STARD13: variants seen among roughly 807,000 people sequenced by gnomAD.
STARD13 encodes stAR-related lipid transfer protein 13.
In STARD13, 62 loss-of-function variants were observed where a neutral mutation model predicts 106.4. The ratio of observed to expected loss-of-function variants is 0.58; its 90% CI spans 0.48 to 0.72. STARD13 has a LOEUF of 0.72. Among genes scored for constraint, STARD13 ranks in the 30% least tolerant of loss-of-function variants. STARD13 has a pLI of 0.00. For synonymous variants in STARD13, 565 were observed against 553.0 expected, an observed-to-expected ratio of 1.02 and a Z score of -0.31; for missense variants, 1,387 against 1,424.0, an observed-to-expected ratio of 0.97 and a Z score of 0.42.
chr13:33,495,169 T>A, the STARD13 span, among the ~76,000 whole-genome samples: 7 of 152,196 alleles, frequency 4.6e-5, no homozygotes, highest in East Asian at 1.3e-3. Flanking sequence ...CACATGAGAA[T>A]AATATCAGAA....
intron 1 of STARD13, among the ~76,000 whole-genome samples, chr13:33,214,251 T>C (rs1450280716): frequency 6.6e-6 from 1 of 152,228 alleles, no homozygotes; most frequent in Non-Finnish European, 1.5e-5. Context: ...TTTGGTTTTA[T>C]ATCTGACTGC....
chr13:33,168,390 C>T (rs1883573829), intron 1 of STARD13, among the ~76,000 whole-genome samples: 2 of 152,084 alleles, frequency 1.3e-5, no homozygotes, highest in Admixed American at 1.3e-4. Context: ...GCCCACCGGA[C>T]CACCTGCCTG....
the STARD13 span, among the ~76,000 whole-genome samples, chr13:33,363,262 A>G: frequency 1.8e-3 from 267 of 152,326 alleles, 1 homozygote; most frequent in Middle Eastern, 6.8e-3. Flanking sequence ...CCAGACTTTC[A>G]AAACCTTCTC....
At chr13:33,630,620 A>G in the STARD13 span, among the ~76,000 whole-genome samples, 1 of 152,184 alleles carries the variant, frequency 6.6e-6, no homozygotes, top group African/African-American at 2.4e-5. Flanking sequence ...AATTTTATCC[A>G]AGAGTTATGG....
At chr13:33,525,391 C>T in the STARD13 span, among the ~76,000 whole-genome samples, 1 of 151,940 alleles carries the variant, frequency 6.6e-6, no homozygotes, top group Non-Finnish European at 1.5e-5. Flanking sequence ...CATATAGAGC[C>T]ACAATGGTCT....
chr13:33,549,931 C>G, the STARD13 span, among the ~76,000 whole-genome samples: 2 of 152,182 alleles, frequency 1.3e-5, no homozygotes, highest in African/African-American at 4.8e-5. Context: ...GGGCATTCTT[C>G]GTGCTAAACT....
At chr13:33,114,135 A>C (rs1428424080) in intron 8 of STARD13, among the ~76,000 whole-genome samples, 2 of 152,194 alleles carry the variant, frequency 1.3e-5, no homozygotes, top group South Asian at 2.1e-4. Context: ...TGCATAGTAC[A>C]TTAGAGTACA....
chr13:33,309,926 T>C (rs4306387), intron 1 of STARD13, among the ~76,000 whole-genome samples: 43,382 of 152,150 alleles, frequency 0.29, 6,795 homozygotes, highest in East Asian at 0.7. Context: ...TGGAATCACA[T>C]TTCTAGATCT....
At chr13:33,614,765 C>A in the STARD13 span, among the ~76,000 whole-genome samples, 3 of 152,260 alleles carry the variant, frequency 2.0e-5, no homozygotes, top group East Asian at 5.8e-4. Flanking sequence ...GCAAGGCCAG[C>A]AAGCATCAAG....
At chr13:33,360,726 ACATATTGTTG>A in the STARD13 span, among the ~76,000 whole-genome samples, 64 of 134,562 alleles carry the variant, frequency 4.8e-4, no homozygotes, top group Non-Finnish European at 5.7e-4. Flanking sequence ...AGACAGAAGG[ACATATTGTTG>A]ATCGTTGAAC....
the STARD13 span, among the ~76,000 whole-genome samples, chr13:33,521,911 C>T: frequency 4.6e-5 from 7 of 152,194 alleles, 1 homozygote; most frequent in South Asian, 1.5e-3. Context: ...CCAAATGCCT[C>T]TTTAATAAAT....
intron 1 of STARD13, among the ~76,000 whole-genome samples, chr13:33,189,441 AGGAGGGAAAGC>A (rs1199055416): frequency 9.1e-6 from 1 of 109,298 alleles, no homozygotes; most frequent in Non-Finnish European, 2.0e-5. Flanking sequence ...TTTCGGAGGA[AGGAGGGAAAGC>A]AGGAGGAAAG....
chr13:33,392,750 T>A, the STARD13 span, among the ~76,000 whole-genome samples: 1 of 152,238 alleles, frequency 6.6e-6, no homozygotes, highest in Non-Finnish European at 1.5e-5. Context: ...TTCTGCCTAA[T>A]TAAGAAGAGA....
At chr13:33,604,780 C>T in the STARD13 span, among the ~76,000 whole-genome samples, 1 of 147,124 alleles carries the variant, frequency 6.8e-6, no homozygotes, top group East Asian at 2.0e-4. Context: ...GCCCGAGGGA[C>T]AGAGCAAGAC....
At chr13:33,142,432 T>C in intron 3 of STARD13, 59 bp from the exon 4 acceptor site, 1 of 1,433,900 alleles carries the variant, frequency 7.0e-7, no homozygotes, top group Non-Finnish European at 9.8e-7. Flanking sequence ...TCTCTCCAGT[T>C]TGATAATCCT....
chr13:33,428,890 G>A, the STARD13 span, among the ~76,000 whole-genome samples: 2 of 152,178 alleles, frequency 1.3e-5, no homozygotes, highest in Admixed American at 6.5e-5. Context: ...CTCAAAAGGA[G>A]ACATGCAGAT....
chr13:33,420,601 G>A, the STARD13 span, among the ~76,000 whole-genome samples: 4 of 152,128 alleles, frequency 2.6e-5, no homozygotes, highest in African/African-American at 9.7e-5. Context: ...GCACCAAATG[G>A]ACCTAATAGA....
At chr13:33,411,915 A>C in the STARD13 span, among the ~76,000 whole-genome samples, 1 of 152,226 alleles carries the variant, frequency 6.6e-6, no homozygotes, top group Non-Finnish European at 1.5e-5. Context: ...CAAATGAAGG[A>C]AAAATAAAAG....
chr13:33,315,329 T>C (rs1893287885), intron 1 of STARD13, among the ~76,000 whole-genome samples: 1 of 152,250 alleles, frequency 6.6e-6, no homozygotes, highest in Admixed American at 6.5e-5. Context: ...GCAGGAATAT[T>C]CAGTATGCTC....
Sources: allele counts gnomAD v4.1 joint callset (sites outside exome capture counted in the v4.1 genomes callset), GRCh38; gene constraint gnomAD v4.1.1; transcripts MANE v1.5; gene names NCBI Gene and HGNC (gene_info 2026-07-23, HGNC 2026-07-21).